The following SPEG variants were observed in gnomAD, a reference collection of about 807,000 sequenced individuals.
The protein encoded by SPEG is striated muscle enriched protein kinase.
A neutral mutation model predicts 300.4 loss-of-function variants in SPEG; 114 were observed. The ratio of observed to expected loss-of-function variants is 0.38; its 90% CI spans 0.33 to 0.44. The LOEUF (loss-of-function observed/expected upper bound fraction) is 0.44, where lower values mean the gene tolerates loss of function less well. SPEG is among the 20% of genes least tolerant of loss of function. SPEG has a pLI of 1.00. For synonymous variants in SPEG, 1,964 were observed against 2,018.9 expected (o/e 0.97, Z 0.73); for missense variants, 4,201 against 4,586.2 (o/e 0.92, Z 2.43).
chr2:219,483,139 C>T lies in SPEG; in HGVS notation c.5676C>T (p.Pro1892=), dbSNP rs771887815. Reference sequence around the variant, plus strand: ...ACAAATGCCACCTGGTGCTGCGCCCCATCCCCGAGCTGCTGCGGGCCCCCC... The same window carrying T: ...ACAAATGCCACCTGGTGCTGCGCCCTATCCCCGAGCTGCTGCGGGCCCCCC... ...ISYKCHLVLR[P]IPELLRAPPE... is the part of the protein sequence containing the mutation. Residue 1892 remains proline, a synonymous_variant, in exon 30 of 41, where the codon CCC becomes CCT. Coordinates refer to ENST00000312358, the MANE Select transcript of SPEG (RefSeq NM_005876.5). 6.2e-7 allele frequency: 1 copy of T among 1,609,102 alleles called. No homozygotes were observed.
In SPEG at chr2:219,451,453, C is replaced by T. The variant is rs561525862; in HGVS notation, c.2258-172C>T. Among the ~76,000 whole-genome samples, 12 of 152,144 alleles carry T rather than the reference C, an allele frequency of 7.9e-5. No individual in the cohort carries two copies. The East Asian group carries it at 1.2e-3, about 15-fold the overall frequency. On this transcript the variant is annotated intron_variant, in intron 5 of 40. Coordinates refer to ENST00000312358, the MANE Select transcript of SPEG (RefSeq NM_005876.5). The surrounding 1 kb of genome is among the most constrained non-coding windows in gnomAD (Gnocchi z 6.4). The stretch of plus-strand genomic sequence containing the variant: ...GTTCAGGGACATTTCTCAGGACCCC[C>T]GAGAGAAGGGAGGGCAACCTGAGCT...
At position 219,493,352 on chromosome 2, in the gene SPEG, A is replaced by G. The variant is rs1282426499; in HGVS notation, c.*566A>G. ...GGTGGGTCAGCTGTCAGCATCCCTC[A>G]GAGGAGAAATGTGGAGAGCTGGAGG... On this transcript the variant is annotated 3_prime_UTR_variant, in exon 41 of 41. Coordinates refer to ENST00000312358, the MANE Select transcript of SPEG (RefSeq NM_005876.5). 1 of 358,580 alleles carries G rather than the reference A, an allele frequency of 2.8e-6. No individual in the cohort carries two copies. Among genetic ancestry groups the G allele is most frequent in the Non-Finnish European group, 5.5e-6 (1 of 181,448 alleles). The allele number at this position is 358,580 out of a possible 1,614,324, so 22.2% of individuals were successfully genotyped here.
chr2:219,473,163 TG>T lies in SPEG; in HGVS notation c.4147+69del. ...GGGATGGGGAATGGGGGCCCTGTGG[TG>T]GAGGCTCAAGGGATGGCCTGGACAT... On this transcript the variant is annotated intron_variant, in intron 16 of 40. Transcript: ENST00000312358. The surrounding 1 kb of genome is among the most constrained non-coding windows in gnomAD (Gnocchi z 4.6). 1 of 1,476,156 alleles carries T rather than the reference TG, an allele frequency of 6.8e-7. No individual in the cohort carries two copies. The highest frequency in any genetic ancestry group is 9.3e-7 in the Non-Finnish European group (1 of 1,080,856). The allele number at this position is 1,476,156 out of a possible 1,614,324, so 91.4% of individuals were successfully genotyped here. A position where few individuals can be genotyped will look rare whatever the true frequency, so the allele number is the denominator to read the frequency against.
At position 219,443,068 on chromosome 2, in the gene SPEG, GC is replaced by G. The variant is rs368418659; in HGVS notation, c.389-1583del. On this transcript the variant is annotated intron_variant, in intron 1 of 40. Transcript: ENST00000312358. This position sits in a 1 kb window ranked among gnomAD's most constrained non-coding sequence, Gnocchi z 4.6. ...GGAGGCACAGGGACCTTAGGAACAA[GC>G]CTCCCCCTCAACTACTCATTCTGGC... 2 of 1,592,190 alleles carry G rather than the reference GC, an allele frequency of 1.3e-6. No homozygotes were observed. The highest frequency in any genetic ancestry group is 1.3e-5 in the African/African-American group (1 of 74,656).
chr2:219,450,876 A>C, intron 4 of SPEG: 1 of 383,112 alleles, frequency 2.6e-6, no homozygotes, highest in East Asian at 4.7e-5. Context: ...CCAACGCTCT[A>C]ATTGTGGATG....
chr2:219,449,315 G>C (rs968028850), intron 4 of SPEG, 44 bp downstream of exon 4: 3 of 1,340,102 alleles, frequency 2.2e-6, no homozygotes, highest in Non-Finnish European at 2.9e-6. Context: ...AACCCCCGTC[G>C]GGGGGCGTTT....
At chr2:219,488,944 G>A (rs1374100117) in intron 34 of SPEG, 44 bp downstream of exon 34, 4 of 1,589,552 alleles carry the variant, frequency 2.5e-6, no homozygotes, top group Non-Finnish European at 3.4e-6. Flanking sequence ...GGCAGGGGGA[G>A]GGTAGAGGAG....
At chr2:219,486,883 G>A (rs1693483129) in intron 31 of SPEG, among the ~76,000 whole-genome samples, 1 of 152,122 alleles carries the variant, frequency 6.6e-6, no homozygotes, top group African/African-American at 2.4e-5. Flanking sequence ...ACATTGCCTT[G>A]TTGGAACCTC....
At chr2:219,438,418 A>C (rs1954774868) in intron 1 of SPEG, among the ~76,000 whole-genome samples, 1 of 152,206 alleles carries the variant, frequency 6.6e-6, no homozygotes, top group Non-Finnish European at 1.5e-5. Flanking sequence ...GCTTGTCCAC[A>C]GAAAGAGAAG....
chr2:219,462,785 G>T (rs1690848413), intron 8 of SPEG, among the ~76,000 whole-genome samples: 1 of 152,240 alleles, frequency 6.6e-6, no homozygotes, highest in Non-Finnish European at 1.5e-5. Flanking sequence ...AGATGTGGTG[G>T]TGCATGCTTG....
chr2:219,444,701 G>T lies in SPEG; in HGVS notation c.437G>T (p.Arg146Leu), dbSNP rs773563946. The change falls in exon 2 of 41, where the codon CGC becomes CTC. Residue 146 changes from arginine to leucine, a missense_variant. This residue lies in a region of SPEG where 1,258 missense variants were observed against 1,293.9 expected (regional missense o/e 0.97). Transcript: ENST00000312358. This position sits in a 1 kb window ranked among gnomAD's most constrained non-coding sequence, Gnocchi z 7.8. ...ATCAGCGATGTGCAGGGAACCCAGCGCCTGGAGCTTCGGGATGACGGGGCC... is the reference window on the plus strand; with the variant it reads ...ATCAGCGATGTGCAGGGAACCCAGCTCCTGGAGCTTCGGGATGACGGGGCC... ...DDISDVQGTQRLELRDDGAFS... is the reference protein window; with the variant it reads ...DDISDVQGTQLLELRDDGAFS... 9 of 1,614,080 alleles carry T rather than the reference G, an allele frequency of 5.6e-6. No individual in the cohort carries two copies. The highest frequency in any genetic ancestry group is 7.6e-6 in the Non-Finnish European group (9 of 1,179,962).
In SPEG at chr2:219,490,593, G is replaced by A. The variant is rs1238872922; in HGVS notation, c.9106G>A (p.Val3036Met). ...HEAYITPRYL[V>M]LIAESCGNRE... ...GGCCTACATCACCCCTCGGTACCTC[G>A]TGCTCATTGCTGAGAGCTGTGGCAA... Residue 3036 changes from valine (V) to methionine (M), a missense_variant, in exon 37 of 41, where the codon GTG becomes ATG. By Grantham distance (21) the Val-to-Met change is conservative (BLOSUM62 1). Coordinates refer to ENST00000312358, the MANE Select transcript of SPEG (RefSeq NM_005876.5). The A allele has an allele frequency of 3.7e-6, 6 of 1,613,812 alleles. No individual in the cohort carries two copies. The highest frequency in any genetic ancestry group is 1.3e-5 in the African/African-American group (1 of 75,032).
At chr2:219,463,315 G>A (rs1268086946) in intron 8 of SPEG, among the ~76,000 whole-genome samples, 1 of 150,072 alleles carries the variant, frequency 6.7e-6, no homozygotes, top group Admixed American at 6.7e-5. Flanking sequence ...CCTGGAAGAT[G>A]GATTACTCAG....
Position 219,462,359 on chromosome 2 carries a change from A to G in SPEG, c.2678A>G (p.Gln893Arg), listed in dbSNP as rs764573096. ...GQDVIMSIRV[Q>R]GEPKPVVSWL... ...GATGTCATCATGAGCATCCGCGTGC[A>G]GGGGGAGCCCAAGCCTGTGGTCTCC... is the stretch of plus-strand genomic sequence containing the variant. Residue 893 changes from glutamine (Q) to arginine (R), a missense_variant, in exon 8 of 41, where the codon CAG becomes CGG. Gln to Arg is a conservative substitution (Grantham distance 43, BLOSUM62 1). Around this residue, in one of 4 missense-constraint regions of SPEG, gnomAD observed 1,047 missense variants for 1,356.8 expected, o/e 0.77. Transcript: ENST00000312358. The G allele has an allele frequency of 3.2e-6, 5 of 1,562,804 alleles. No individual in the cohort carries two copies. The East Asian group carries it at 1.2e-4, about 37-fold the overall frequency.
Position 219,482,792 on chromosome 2 carries a change from A to C in SPEG, c.5574A>C (p.Ala1858=). The stretch of plus-strand genomic sequence containing the variant: ...CTTTCCTGGGTTTGCAGACTCAGGC[A>C]AAGGGCGCAGAGGTGAGCACGGATC... ...TLEHPWFKTQ[A]KGAEVSTDHL... is the part of the protein sequence containing the mutation. The change falls in exon 29 of 41, where the codon GCA becomes GCC. Residue 1858 remains alanine, a synonymous_variant. Transcript: ENST00000312358. 1 of 1,613,780 alleles carries C rather than the reference A, an allele frequency of 6.2e-7. No individual in the cohort carries two copies. Among genetic ancestry groups the C allele is most frequent in the Non-Finnish European group, 8.5e-7 (1 of 1,179,904 alleles).
In SPEG at chr2:219,445,432, A is replaced by T. The variant is rs1189070114; in HGVS notation, c.815+271A>T. The T allele has an allele frequency of 1.8e-5, 9 of 509,314 alleles. No homozygotes were observed. Among genetic ancestry groups the T allele is most frequent in the Non-Finnish European group, 2.8e-5 (8 of 286,432 alleles). The allele number at this position is 509,314 out of a possible 1,614,324, so 31.5% of individuals were successfully genotyped here. On this transcript the variant is annotated intron_variant, in intron 3 of 40. Coordinates refer to ENST00000312358, the MANE Select transcript of SPEG (RefSeq NM_005876.5). This position sits in a 1 kb window ranked among gnomAD's most constrained non-coding sequence, Gnocchi z 6.1. ...TGCTGTCCCTTCCTTGTCTCCTCCA[A>T]GATCTCCAGTTTCTCAGGGGCCCTC...
Position 219,444,087 on chromosome 2 carries a change from C to T in SPEG, c.389-566C>T, listed in dbSNP as rs779561707. 7.4e-7 allele frequency: 1 copy of T among 1,357,032 alleles called. No homozygotes were observed. The highest frequency in any genetic ancestry group is 4.6e-5 in the East Asian group (1 of 21,606). The allele number at this position is 1,357,032 out of a possible 1,614,324, so 84.1% of individuals were successfully genotyped here. A position where few individuals can be genotyped will look rare whatever the true frequency, so the allele number is the denominator to read the frequency against. ...AGGAAACTGGCTCCTGCTCTAGCCC[C>T]CCGCATCCCCCCCTTTCCCACCCGG... is the stretch of plus-strand genomic sequence containing the variant. On this transcript the variant is annotated intron_variant, in intron 1 of 40. Transcript: ENST00000312358. The surrounding 1 kb of genome is among the most constrained non-coding windows in gnomAD (Gnocchi z 7.8).
rs775881433 is a variant in SPEG at position 219,473,884 on chromosome 2, G to T, written c.4428G>T (p.Ser1476=). The change falls in exon 18 of 41, where the codon TCG becomes TCT. Residue 1476 remains serine, a synonymous_variant. Transcript: ENST00000312358. The surrounding 1 kb of genome is among the most constrained non-coding windows in gnomAD (Gnocchi z 4.6). ...ARNRHGTQTC[S]VTLELAEAPR... ...ACCGTCACGGCACACAGACCTGCTC[G>T]GTCACATTGGAGCTGGCAGGTGGGT... 2 of 1,611,074 alleles carry T rather than the reference G, an allele frequency of 1.2e-6. No individual in the cohort carries two copies. Among genetic ancestry groups the T allele is most frequent in the East Asian group, 2.2e-5 (1 of 44,814 alleles).
Position 219,481,363 on chromosome 2 carries a change from G to A in SPEG, c.5429G>A (p.Arg1810Gln), listed in dbSNP as rs1421273117. 10 of 1,614,012 alleles carry A rather than the reference G, an allele frequency of 6.2e-6. No homozygotes were observed. The highest frequency in any genetic ancestry group is 2.2e-5 in the East Asian group (1 of 44,884). The change falls in exon 27 of 41, where the codon CGA becomes CAA. Residue 1810 changes from arginine to glutamine, a missense_variant. Transcript: ENST00000312358. This position sits in a 1 kb window ranked among gnomAD's most constrained non-coding sequence, Gnocchi z 5.4. ...ENDRTTLMNI[R>Q]NYNVAFEETT... ...GACCGGACAACATTGATGAACATCC[G>A]AAACTACAACGTGGCCTTCGAGGAG...
Sources: gnomAD v4.1 joint callset for allele counts (sites outside exome capture counted in the v4.1 genomes callset) on GRCh38, gnomAD v4.1.1 for gene constraint, gnomAD v4.1.1 regional missense constraint, Gnocchi (gnomAD v3.1) non-coding constraint, MANE v1.5 for transcripts, NCBI Gene and HGNC (gene_info 2026-07-23, HGNC 2026-07-21) for gene names.